The following ESPNL variants were observed in gnomAD, a reference collection of about 807,000 sequenced individuals.
The protein encoded by ESPNL is espin-like protein.
Under a neutral mutation model 46.8 loss-of-function variants are expected in ESPNL, and 49 were observed. The observed-to-expected ratio is 1.05, with a 90% CI of 0.83 to 1.33. The LOEUF (loss-of-function observed/expected upper bound fraction) is 1.33. Among genes scored for constraint, ESPNL ranks in the 40% most tolerant of loss-of-function variants. The pLI is 0.00. For synonymous variants in ESPNL, 664 were observed against 662.1 expected (o/e 1.00, Z -0.04); for missense variants, 1,540 against 1,436.6 (o/e 1.07, Z -1.16).
Position 238,131,157 on chromosome 2 carries a change from A to G in ESPNL, c.2443A>G (p.Met815Val), listed in dbSNP as rs1692320401. The change falls in exon 9 of 9, where the codon ATG becomes GTG. Residue 815 changes from methionine to valine, a missense_variant. Coordinates refer to ENST00000343063, the MANE Select transcript of ESPNL (RefSeq NM_194312.4). ...THLLGNWKAI[M>V]AHVPARQLRR... ...CCTGCTGGGCAACTGGAAGGCCATC[A>G]TGGCTCACGTGCCCGCCCGGCAGCT... 1.3e-6 allele frequency: 2 copies of G among 1,546,188 alleles called. No individual in the cohort carries two copies. Among genetic ancestry groups the G allele is most frequent in the African/African-American group, 1.4e-5 (1 of 73,044 alleles).
Position 238,114,962 on chromosome 2 carries a change from G to A in ESPNL, c.856-1941G>A, listed in dbSNP as rs1286815671. On this transcript the variant is annotated intron_variant, in intron 4 of 8. Coordinates refer to ENST00000343063, the MANE Select transcript of ESPNL (RefSeq NM_194312.4). The surrounding 1 kb of genome is among the most constrained non-coding windows in gnomAD (Gnocchi z 5.0). ...CAGGAAGGCAGGCAGTGCGTGAGCA[G>A]ACACCCCAGTCTGCAGCTTAGAGGC... 6.6e-6 allele frequency among the ~76,000 whole-genome samples: 1 copy of A among 152,244 alleles called. No homozygotes were observed. The highest frequency in any genetic ancestry group is 1.5e-5 in the Non-Finnish European group (1 of 68,046).
chr2:238,130,747 C>T lies in ESPNL; in HGVS notation c.2033C>T (p.Ala678Val). 2 of 1,564,170 alleles carry T rather than the reference C, an allele frequency of 1.3e-6. No homozygotes were observed. Among genetic ancestry groups the T allele is most frequent in the South Asian group, 1.2e-5 (1 of 86,312 alleles). Residue 678 changes from alanine to valine, a missense_variant, in exon 9 of 9, where the codon GCC (alanine) becomes GTC (valine). Coordinates refer to ENST00000343063, the MANE Select transcript of ESPNL (RefSeq NM_194312.4). ...GFNPGPCEPG[A>V]QHRQCLSGCW... ...AACCCTGGCCCCTGCGAGCCGGGGG[C>T]CCAGCACAGGCAGTGCCTGAGTGGC...
Position 238,130,239 on chromosome 2 carries a change from T to C in ESPNL, c.1525T>C (p.Tyr509His). 1 of 1,611,208 alleles carries C rather than the reference T, an allele frequency of 6.2e-7. No individual in the cohort carries two copies. The highest frequency in any genetic ancestry group is 8.5e-7 in the Non-Finnish European group (1 of 1,179,200). The change falls in exon 9 of 9, where the codon TAC (tyrosine) becomes CAC (histidine). Residue 509 changes from tyrosine to histidine, a missense_variant. Coordinates refer to ENST00000343063, the MANE Select transcript of ESPNL (RefSeq NM_194312.4). ...GELLTEDDLVYLEKQIADLQL... is the reference protein window; with the variant it reads ...GELLTEDDLVHLEKQIADLQL... ...GCTGCTGACAGAGGATGACCTGGTC[T>C]ACCTGGAGAAGCAGATTGCAGACCT...
chr2:238,116,500 G>T (rs1691818114), intron 4 of ESPNL, among the ~76,000 whole-genome samples: 1 of 152,200 alleles, frequency 6.6e-6, no homozygotes, highest in African/African-American at 2.4e-5. Context: ...CTGAGTCCCT[G>T]GGGCAGGGGC....
At chr2:238,107,120 G>A (rs555010671) in intron 3 of ESPNL, among the ~76,000 whole-genome samples, 1 of 152,328 alleles carries the variant, frequency 6.6e-6, no homozygotes, top group South Asian at 2.1e-4. Flanking sequence ...GGAGACCCCC[G>A]CGTCCCACTG....
At chr2:238,120,699 C>T (rs1044675392) in intron 5 of ESPNL, among the ~76,000 whole-genome samples, 8 of 152,248 alleles carry the variant, frequency 5.3e-5, no homozygotes, top group Admixed American at 1.3e-4. Flanking sequence ...TCCGTCTTCT[C>T]CCTCTGGGAG....
Position 238,131,755 on chromosome 2 carries a change from A to T in ESPNL, c.*23A>T. 6.4e-7 allele frequency: 1 copy of T among 1,558,000 alleles called. No individual in the cohort carries two copies. The highest frequency in any genetic ancestry group is 8.7e-7 in the Non-Finnish European group (1 of 1,147,804). ...TGACCCTACTGGCAGCCTGCTTTCC[A>T]GAATGTGGTTTGGGGGTGACTTGGA... is the stretch of plus-strand genomic sequence containing the variant. On this transcript the variant is annotated 3_prime_UTR_variant, in exon 9 of 9. Transcript: ENST00000343063.
chr2:238,127,750 C>T lies in ESPNL; in HGVS notation c.1215+16C>T, dbSNP rs1692173794. On this transcript the variant is annotated intron_variant, in intron 7 of 8. Transcript: ENST00000343063. Reference sequence around the variant, plus strand: ...TGACCCCGAGGTTCGTCCTCCACCCCTGCATTCCTGTCTCCCGGGGCCCCT... The same window carrying T: ...TGACCCCGAGGTTCGTCCTCCACCCTTGCATTCCTGTCTCCCGGGGCCCCT... 6.3e-7 allele frequency: 1 copy of T among 1,590,258 alleles called. No homozygotes were observed. The highest frequency in any genetic ancestry group is 8.6e-7 in the Non-Finnish European group (1 of 1,166,892).
intron 3 of ESPNL, among the ~76,000 whole-genome samples, chr2:238,105,709 C>T (rs970970479): frequency 2.0e-5 from 3 of 151,998 alleles, no homozygotes; most frequent in South Asian, 2.1e-4. Flanking sequence ...CAGACAGAGG[C>T]GCTGGGAGGA....
In ESPNL at chr2:238,128,797, G is replaced by A. The variant is rs545228236; in HGVS notation, c.1306G>A (p.Val436Met). 3.2e-6 allele frequency: 5 copies of A among 1,566,230 alleles called. No homozygotes were observed. Among genetic ancestry groups the A allele is most frequent in the Admixed American group, 3.8e-5 (2 of 53,248 alleles). Residue 436 changes from valine (V) to methionine (M), a missense_variant, in exon 8 of 9, where the codon GTG becomes ATG. Coordinates refer to ENST00000343063, the MANE Select transcript of ESPNL (RefSeq NM_194312.4). ...GCCCTCAGGCGACATCGACGGGCTG[G>A]TGCCCACGCGGGATGAGCGCGGCCA... ...GLPSGDIDGL[V>M]PTRDERGQPI...
At chr2:238,106,098 G>A (rs1025901521) in intron 3 of ESPNL, among the ~76,000 whole-genome samples, 5 of 152,318 alleles carry the variant, frequency 3.3e-5, no homozygotes, top group South Asian at 4.1e-4. Context: ...CACACGGCGT[G>A]TCTGACTCCT....
chr2:238,100,557 T>A lies in ESPNL; in HGVS notation c.138T>A (p.Ala46=). The change falls in exon 1 of 9, where the codon GCT becomes GCA. Residue 46 remains alanine (A), a synonymous_variant. Coordinates refer to ENST00000343063, the MANE Select transcript of ESPNL (RefSeq NM_194312.4). ...GAGLVHHATR[A]GHLDCVKFLV... ...GCCTGGTTCACCACGCCACCCGGGC[T>A]GGCCACCTGGACTGCGTCAAGTTCT... 1.3e-6 allele frequency: 2 copies of A among 1,590,250 alleles called. No individual in the cohort carries two copies. Among genetic ancestry groups the A allele is most frequent in the South Asian group, 2.3e-5 (2 of 87,672 alleles).
Position 238,117,046 on chromosome 2 carries a change from G to C in ESPNL, c.987+12G>C. On this transcript the variant is annotated intron_variant, in intron 5 of 8. Coordinates refer to ENST00000343063, the MANE Select transcript of ESPNL (RefSeq NM_194312.4). ...AGGTGGCCCAGCCGGTAAGGCTCAG[G>C]GTCCCCAGCTGCCCTGGAGGCATGG... 1 of 1,604,034 alleles carries C rather than the reference G, an allele frequency of 6.2e-7. No homozygotes were observed. The highest frequency in any genetic ancestry group is 8.5e-7 in the Non-Finnish European group (1 of 1,175,934).
intron 2 of ESPNL, 60 bp from the exon 3 acceptor site, chr2:238,104,596 C>T (rs1691553155): frequency 1.4e-6 from 2 of 1,479,830 alleles, no homozygotes; most frequent in Non-Finnish European, 9.0e-7. Flanking sequence ...GTCCAAGCAG[C>T]CGAGGGATGG....
At chr2:238,129,325 C>A in intron 8 of ESPNL, 1 of 936,888 alleles carries the variant, frequency 1.1e-6, no homozygotes, top group Non-Finnish European at 1.3e-6. Flanking sequence ...GGGGCCCCCT[C>A]TGGGGACGTG....
chr2:238,113,665 G>A (rs1280582415), intron 4 of ESPNL, among the ~76,000 whole-genome samples: 1 of 152,272 alleles, frequency 6.6e-6, no homozygotes, highest in Non-Finnish European at 1.5e-5. Flanking sequence ...CGCATTCCAG[G>A]CAGGAAGTTC....
intron 6 of ESPNL, among the ~76,000 whole-genome samples, chr2:238,126,935 TTGTG>T (rs1272258044): frequency 4.3e-5 from 2 of 46,058 alleles, no homozygotes; most frequent in Admixed American, 1.6e-4. Context: ...GTGTCTGTGA[TTGTG>T]TGTGTCACTG....
At chr2:238,123,409 G>A (rs1692030697) in intron 5 of ESPNL, among the ~76,000 whole-genome samples, 1 of 152,148 alleles carries the variant, frequency 6.6e-6, no homozygotes, top group Admixed American at 6.5e-5. Context: ...CCCTCTCTGA[G>A]CCTCAATTTC....
In ESPNL at chr2:238,131,208, G is replaced by A. The variant is rs750393996; in HGVS notation, c.2494G>A (p.Gly832Arg). 16 of 1,546,800 alleles carry A rather than the reference G, an allele frequency of 1.0e-5. No individual in the cohort carries two copies. The highest frequency in any genetic ancestry group is 9.6e-5 in the African/African-American group (7 of 73,122). The change falls in exon 9 of 9, where the codon GGG becomes AGG. Residue 832 changes from glycine (G) to arginine (R), a missense_variant. By Grantham distance (125) the Gly-to-Arg change is moderately radical (BLOSUM62 -2). Transcript: ENST00000343063. The part of the protein sequence containing the change: ...QLRRLSRQPR[G>R]ALSPEQFLPH... ...GCGGCGGCTGAGCCGGCAGCCCCGC[G>A]GGGCTTTGTCCCCCGAGCAGTTCCT...
Sources: allele counts gnomAD v4.1 joint callset (sites outside exome capture counted in the v4.1 genomes callset), GRCh38; gene constraint gnomAD v4.1.1; non-coding constraint Gnocchi (gnomAD v3.1); transcripts MANE v1.5; gene names NCBI Gene and HGNC (gene_info 2026-07-23, HGNC 2026-07-21).